BORCS5: variants seen among roughly 807,000 people sequenced by gnomAD.
BORCS5 encodes BLOC-1-related complex subunit 5.
Under a neutral mutation model 22.1 loss-of-function variants are expected in BORCS5, and 17 were observed. That is an observed-to-expected ratio of 0.77 (90% CI 0.53 to 1.15). The LOEUF is 1.15. BORCS5 is among the 50% of genes most tolerant of loss of function. BORCS5 has a pLI of 0.00. For synonymous variants in BORCS5, 117 were observed against 99.8 expected (o/e 1.17, Z -1.03); for missense variants, 247 against 253.2 (o/e 0.98, Z 0.17).
chr12:12,456,906 T>C (rs1260025618), intron 3 of BORCS5, among the ~76,000 whole-genome samples: 1 of 140,318 alleles, frequency 7.1e-6, no homozygotes, highest in Non-Finnish European at 1.5e-5. Context: ...TGTGTAAGCC[T>C]TGAAGATAGT....
rs545924776 is a variant in BORCS5, at chr12:12,401,885, T to C, written c.203-33743T>C. Among the ~76,000 whole-genome samples the C allele has an allele frequency of 8.8e-4, 134 of 151,604 alleles. 1 individual carries two copies. The highest frequency in any genetic ancestry group is 2.8e-3 in the African/African-American group (118 of 41,408). ...CATCCTGGTTAACATGGTGAAACCC[T>C]GTCTCTACTAAAAAAAAAAAATACA... On this transcript the variant is annotated intron_variant, in intron 2 of 3. Transcript: ENST00000314565.
At chr12:12,432,363 T>C (rs966146202) in intron 2 of BORCS5, among the ~76,000 whole-genome samples, 8 of 152,244 alleles carry the variant, frequency 5.3e-5, no homozygotes, top group Admixed American at 3.9e-4. Flanking sequence ...TGGAAATGTA[T>C]TTCTTGTCAG....
chr12:12,357,745 A>G (rs1863178162), intron 1 of BORCS5, among the ~76,000 whole-genome samples: 2 of 152,226 alleles, frequency 1.3e-5, no homozygotes. Flanking sequence ...TTTTCAAAAC[A>G]GCCGTTTCTC....
rs1184198477 is a variant in BORCS5 at position 12,465,710 on chromosome 12, C to G, written c.525C>G (p.Ser175Arg). Reference sequence around the variant, plus strand: ...TGCCCCTGCTGGACAGGCTCAACAGCATGCTGCCCGAGGGCGAGCGGCTGG... The same window carrying G: ...TGCCCCTGCTGGACAGGCTCAACAGGATGCTGCCCGAGGGCGAGCGGCTGG... ...QTVPLLDRLN[S>R]MLPEGERLEP... The change falls in exon 4 of 4, where the codon AGC becomes AGG. Residue 175 changes from serine (S) to arginine (R), a missense_variant. Ser to Arg is a moderately radical substitution (Grantham distance 110). Transcript: ENST00000314565. 6.2e-7 allele frequency: 1 copy of G among 1,614,244 alleles called. No homozygotes were observed. The highest frequency in any genetic ancestry group is 2.2e-5 in the East Asian group (1 of 44,890).
rs1317351738 is a variant in BORCS5 at position 12,435,643 on chromosome 12, A to G, written c.218A>G (p.Gln73Arg). The change falls in exon 3 of 4, where the codon CAG becomes CGG. Residue 73 changes from glutamine to arginine, a missense_variant. Coordinates refer to ENST00000314565, the MANE Select transcript of BORCS5 (RefSeq NM_058169.6). Reference protein sequence around the residue: ...QPLLKGLLSGQTSPTNAKLEK... With the variant: ...QPLLKGLLSGRTSPTNAKLEK... ...TCCTTTGAAGGGCTATTGAGTGGCC[A>G]GACTTCCCCAACAAATGCCAAATTG... 6.2e-7 allele frequency: 1 copy of G among 1,613,696 alleles called. No homozygotes were observed. Among genetic ancestry groups the G allele is most frequent in the East Asian group, 2.2e-5 (1 of 44,880 alleles).
At chr12:12,363,176 C>T (rs551867151) in intron 2 of BORCS5, among the ~76,000 whole-genome samples, 110 of 151,796 alleles carry the variant, frequency 7.2e-4, no homozygotes, top group Middle Eastern at 3.4e-3. Flanking sequence ...ACATACCTGT[C>T]GTCCCAGCTA....
At chr12:12,387,044 T>C (rs1863898516) in intron 2 of BORCS5, among the ~76,000 whole-genome samples, 1 of 151,344 alleles carries the variant, frequency 6.6e-6, no homozygotes, top group South Asian at 2.1e-4. Context: ...AAAAAAATAC[T>C]TTTTTTAGAA....
rs886689422 is a variant in BORCS5, at chr12:12,365,801, G to C, written c.202+4452G>C. Among the ~76,000 whole-genome samples the C allele has an allele frequency of 7.2e-5, 11 of 152,178 alleles. 1 individual carries two copies. The highest frequency in any genetic ancestry group is 2.6e-4 in the Admixed American group (4 of 15,278). ...TTATAGATTAAAATATTGAGGCCTA[G>C]AGAGCTTAAATTAATTGCCTAAAGT... On this transcript the variant is annotated intron_variant, in intron 2 of 3. Coordinates refer to ENST00000314565, the MANE Select transcript of BORCS5 (RefSeq NM_058169.6).
At chr12:12,463,041 A>G (rs1464439307) in intron 3 of BORCS5, among the ~76,000 whole-genome samples, 1 of 152,194 alleles carries the variant, frequency 6.6e-6, no homozygotes, top group Non-Finnish European at 1.5e-5. Flanking sequence ...ATTAGTATAT[A>G]TGTTATCTTG....
intron 2 of BORCS5, among the ~76,000 whole-genome samples, chr12:12,428,344 G>A (rs891815647): frequency 2.0e-5 from 3 of 152,168 alleles, no homozygotes; most frequent in Non-Finnish European, 4.4e-5. Flanking sequence ...ACACAAAGAG[G>A]TAGGTACAGA....
intron 3 of BORCS5, among the ~76,000 whole-genome samples, chr12:12,447,855 G>C (rs534661469): frequency 5.3e-5 from 8 of 152,226 alleles, no homozygotes; most frequent in Admixed American, 5.2e-4. Flanking sequence ...TTTAATTCTG[G>C]ACATCGGAAA....
At chr12:12,362,636 C>CTT (rs71436712) in intron 2 of BORCS5, among the ~76,000 whole-genome samples, 792 of 57,558 alleles carry the variant, frequency 0.014, 126 homozygotes, top group South Asian at 0.016. Context: ...TGTTACTCAT[C>CTT]TTTTTTTTTT....
chr12:12,389,737 G>A lies in BORCS5; in HGVS notation c.202+28388G>A, dbSNP rs573606200. ...TGGCTCACTGCAAGCTCTGCCTTTC[G>A]GGTTCAAGTGATTCTCATGCCACAG... On this transcript the variant is annotated intron_variant, in intron 2 of 3. Transcript: ENST00000314565. Among the ~76,000 whole-genome samples the A allele has an allele frequency of 6.6e-5, 10 of 152,184 alleles. No homozygotes were observed. The East Asian group carries it at 1.7e-3, about 26-fold the overall frequency.
chr12:12,420,527 G>T (rs1288574007), intron 2 of BORCS5, among the ~76,000 whole-genome samples: 1 of 152,150 alleles, frequency 6.6e-6, no homozygotes, highest in African/African-American at 2.4e-5. Context: ...TGGCAATGCG[G>T]GCTCTTTTTT....
chr12:12,450,855 G>A (rs1314769558), intron 3 of BORCS5, among the ~76,000 whole-genome samples: 1 of 152,284 alleles, frequency 6.6e-6, no homozygotes, highest in Non-Finnish European at 1.5e-5. Flanking sequence ...TAAAGATAAT[G>A]TATGTAAACT....
intron 2 of BORCS5, among the ~76,000 whole-genome samples, chr12:12,371,576 G>A (rs570000174): frequency 2.0e-5 from 3 of 152,306 alleles, no homozygotes; most frequent in South Asian, 4.1e-4. Flanking sequence ...TTGCAGGCAT[G>A]AGCCACCATG....
chr12:12,444,781 T>C (rs1309980119), intron 3 of BORCS5, among the ~76,000 whole-genome samples: 1 of 152,158 alleles, frequency 6.6e-6, no homozygotes, highest in Admixed American at 6.5e-5. Flanking sequence ...CAAGCTATAA[T>C]AGTTTATATT....
intron 3 of BORCS5, among the ~76,000 whole-genome samples, chr12:12,437,606 C>A (rs1210242170): frequency 6.6e-6 from 1 of 152,182 alleles, no homozygotes; most frequent in African/African-American, 2.4e-5. Context: ...CGTATTATCT[C>A]ACTTAAAGTT....
chr12:12,431,860 CT>C (rs1185630439), intron 2 of BORCS5, among the ~76,000 whole-genome samples: 1 of 151,184 alleles, frequency 6.6e-6, no homozygotes, highest in Non-Finnish European at 1.5e-5. Context: ...CACCCACCTA[CT>C]TTTTGTATTT....
Sources: gnomAD v4.1 joint callset for allele counts (sites outside exome capture counted in the v4.1 genomes callset) on GRCh38, gnomAD v4.1.1 for gene constraint, MANE v1.5 for transcripts, NCBI Gene and HGNC (gene_info 2026-07-23, HGNC 2026-07-21) for gene names.